The following ABRACL variants were observed in gnomAD, a reference collection of about 807,000 sequenced individuals.
The protein encoded by ABRACL is costars family protein ABRACL.
ABRACL carries 4 observed loss-of-function variants against 7.0 expected under a neutral mutation model. The ratio of observed to expected loss-of-function variants is 0.57; its 90% CI spans 0.28 to 1.30. The LOEUF (loss-of-function observed/expected upper bound fraction) is 1.30, where lower values mean the gene tolerates loss of function less well. ABRACL is among the 50% of genes most tolerant of loss of function. The probability of loss-of-function intolerance (pLI) is 0.10; values close to 1 mark genes in which losing one functional copy is unlikely to be tolerated. For synonymous variants in ABRACL, 30 were observed against 36.0 expected, an observed-to-expected ratio of 0.83 and a Z score of 0.60; for missense variants, 104 against 97.3, an observed-to-expected ratio of 1.07 and a Z score of -0.29.
At chr6:139,038,866 T>C (rs1786203401) in intron 2 of ABRACL, among the ~76,000 whole-genome samples, 1 of 152,240 alleles carries the variant, frequency 6.6e-6, no homozygotes, top group African/African-American at 2.4e-5. Context: ...TTTCTGTGCC[T>C]TGTTTTCCTT....
chr6:139,032,765 T>A (rs1405948812), intron 1 of ABRACL, among the ~76,000 whole-genome samples: 1 of 152,248 alleles, frequency 6.6e-6, no homozygotes, highest in Non-Finnish European at 1.5e-5. Context: ...AACTGATGCA[T>A]CTTCTACCCA....
chr6:139,041,531 A>ATATATATATATTTTT (rs748288046), intron 2 of ABRACL, among the ~76,000 whole-genome samples: 6 of 126,038 alleles, frequency 4.8e-5, no homozygotes, highest in Admixed American at 1.8e-4. Context: ...ATATATATAT[A>ATATATATATATTTTT]TTTTTTTTTA....
At chr6:139,032,307 C>A (rs184657002) in intron 1 of ABRACL, among the ~76,000 whole-genome samples, 1 of 152,306 alleles carries the variant, frequency 6.6e-6, no homozygotes, top group African/African-American at 2.4e-5. Flanking sequence ...GGCCTCGTGC[C>A]TGTGTACTCT....
At chr6:139,041,861 C>T (rs1786258726) in intron 2 of ABRACL, among the ~76,000 whole-genome samples, 1 of 152,110 alleles carries the variant, frequency 6.6e-6, no homozygotes, top group Admixed American at 6.5e-5. Context: ...GCTGCGCTCA[C>T]AGTAGGAGTT....
At chr6:139,042,652 A>G (rs1268036295) in intron 2 of ABRACL, 67 bp from the exon 3 acceptor site, 3 of 1,426,624 alleles carry the variant, frequency 2.1e-6, no homozygotes, top group Non-Finnish European at 2.9e-6. Flanking sequence ...AAGATTTTGT[A>G]AGTCTTCCAT....
intron 2 of ABRACL, among the ~76,000 whole-genome samples, chr6:139,035,929 G>A (rs1213312526): frequency 1.3e-5 from 2 of 148,234 alleles, no homozygotes; most frequent in East Asian, 2.2e-4. Flanking sequence ...GTGAAACCCT[G>A]TCTCTACTAA....
intron 2 of ABRACL, among the ~76,000 whole-genome samples, chr6:139,040,532 C>T (rs571875650): frequency 6.6e-6 from 1 of 152,058 alleles, no homozygotes; most frequent in Admixed American, 6.6e-5. Context: ...TTGCAACAGC[C>T]CTGTGAGAGG....
chr6:139,041,425 ATCTCTC>A (rs72110050), intron 2 of ABRACL, among the ~76,000 whole-genome samples: 5 of 117,258 alleles, frequency 4.3e-5, no homozygotes, highest in African/African-American at 3.4e-5. Flanking sequence ...CACCAGACCC[ATCTCTC>A]TCTCTCTCTC....
At chr6:139,034,487 G>A (rs1016572056) in intron 2 of ABRACL, 4 of 1,341,064 alleles carry the variant, frequency 3.0e-6, no homozygotes, top group Non-Finnish European at 4.0e-6. Flanking sequence ...CAAGCTTCTT[G>A]TATTTGACTG....
chr6:139,039,534 C>A (rs1346449181), intron 2 of ABRACL, among the ~76,000 whole-genome samples: 1 of 152,152 alleles, frequency 6.6e-6, no homozygotes, highest in African/African-American at 2.4e-5. Flanking sequence ...TGAAGGACTT[C>A]TAGAAAAGGT....
At chr6:139,030,182 TAGTTTCA>T (rs1394030695) in intron 1 of ABRACL, among the ~76,000 whole-genome samples, 1 of 151,884 alleles carries the variant, frequency 6.6e-6, no homozygotes, top group African/African-American at 2.4e-5. Context: ...TTCTTAGACA[TAGTTTCA>T]CGGTACTCGT....
chr6:139,039,238 A>AG (rs1004078097), intron 2 of ABRACL, among the ~76,000 whole-genome samples: 1 of 151,936 alleles, frequency 6.6e-6, no homozygotes, highest in Non-Finnish European at 1.5e-5. Flanking sequence ...AAGAAAAAAA[A>AG]AATCTCTAAA....
intron 2 of ABRACL, among the ~76,000 whole-genome samples, chr6:139,038,023 C>T (rs1786191042): frequency 6.6e-6 from 1 of 152,048 alleles, no homozygotes; most frequent in Admixed American, 6.6e-5. Flanking sequence ...GTGATCCACC[C>T]GCCTCAGCCT....
chr6:139,034,467 A>C (rs909484293), intron 2 of ABRACL: 1 of 1,428,432 alleles, frequency 7.0e-7, no homozygotes, highest in Non-Finnish European at 9.3e-7. Context: ...TTCGATAGAA[A>C]GCAAATTACC....
At chr6:139,031,642 T>C (rs1485537351) in intron 1 of ABRACL, among the ~76,000 whole-genome samples, 4 of 152,200 alleles carry the variant, frequency 2.6e-5, no homozygotes. Context: ...ATGGTGGCCA[T>C]TGACATCAGG....
At chr6:139,042,300 T>A (rs2114319417) in intron 2 of ABRACL, among the ~76,000 whole-genome samples, 1 of 152,238 alleles carries the variant, frequency 6.6e-6, no homozygotes, top group East Asian at 1.9e-4. Context: ...AGCCCCCCAC[T>A]CCCACCCTGG....
At chr6:139,035,782 C>A (rs555845257) in intron 2 of ABRACL, among the ~76,000 whole-genome samples, 2 of 151,238 alleles carry the variant, frequency 1.3e-5, no homozygotes, top group Non-Finnish European at 2.9e-5. Flanking sequence ...CACACCCGGC[C>A]TAGTTTCTTG....
chr6:139,032,283 T>A (rs1008053995), intron 1 of ABRACL, among the ~76,000 whole-genome samples: 1 of 152,232 alleles, frequency 6.6e-6, no homozygotes, highest in Non-Finnish European at 1.5e-5. Flanking sequence ...TTTATTCTCA[T>A]GGCATGGTGT....
At position 139,030,454 on chromosome 6, in the gene ABRACL, G is replaced by A. The variant is rs187706286; in HGVS notation, c.-7+1579G>A. 2.0e-5 allele frequency among the ~76,000 whole-genome samples: 3 copies of A among 152,232 alleles called. No individual in the cohort carries two copies. The East Asian group carries it at 5.8e-4, about 29-fold the overall frequency. ...ATTGTTCTTCATCTTGCTCTCTGCA[G>A]TCCTGGGATTCTGTCCTTATTATAA... On this transcript the variant is annotated intron_variant, in intron 1 of 2. Coordinates refer to ENST00000367660, the MANE Select transcript of ABRACL (RefSeq NM_021243.3).
Sources: allele counts gnomAD v4.1 joint callset (sites outside exome capture counted in the v4.1 genomes callset), GRCh38; gene constraint gnomAD v4.1.1; transcripts MANE v1.5; gene names NCBI Gene and HGNC (gene_info 2026-07-23, HGNC 2026-07-21).